AGK: variants seen among roughly 807,000 people sequenced by gnomAD.
The protein encoded by AGK is acylglycerol kinase, mitochondrial.
AGK carries 52 observed loss-of-function variants against 66.4 expected under a neutral mutation model. The ratio of observed to expected loss-of-function variants is 0.78; its 90% confidence interval spans 0.63 to 0.99. The LOEUF is 0.99. Ranked by LOEUF, AGK falls within the 50% of genes least tolerant of loss-of-function variation. The pLI is 0.00. For missense variants in AGK, 451 were observed against 506.6 expected (o/e 0.89, Z 1.05); for synonymous variants, 182 against 181.1 (o/e 1.00, Z -0.04).
intron 5 of AGK, among the ~76,000 whole-genome samples, chr7:141,609,867 C>T (rs1198633260): frequency 3.3e-5 from 5 of 152,074 alleles, no homozygotes; most frequent in Non-Finnish European, 5.9e-5. Flanking sequence ...ACATTTTTAT[C>T]GCTCAGGAAA....
At chr7:141,573,784 G>C (rs1795667365) in intron 2 of AGK, among the ~76,000 whole-genome samples, 5 of 152,098 alleles carry the variant, frequency 3.3e-5, no homozygotes, top group Non-Finnish European at 7.3e-5. Flanking sequence ...CTTTCTTCTG[G>C]AGTAGCTGTC....
At chr7:141,609,429 C>T (rs1796531653) in intron 5 of AGK, among the ~76,000 whole-genome samples, 1 of 152,168 alleles carries the variant, frequency 6.6e-6, no homozygotes, top group South Asian at 2.1e-4. Context: ...AAGCACTTTA[C>T]TTAGTTTACC....
At chr7:141,612,981 T>C (rs558930867) in intron 6 of AGK, among the ~76,000 whole-genome samples, 2 of 152,306 alleles carry the variant, frequency 1.3e-5, no homozygotes, top group East Asian at 3.9e-4. Flanking sequence ...AACAGCAGAG[T>C]ACTGTCCTAT....
intron 2 of AGK, among the ~76,000 whole-genome samples, chr7:141,586,334 C>T (rs1048167990): frequency 1.3e-5 from 2 of 152,214 alleles, no homozygotes; most frequent in Non-Finnish European, 2.9e-5. Context: ...ATTGGAGAAA[C>T]ATCCCCGCTC....
rs762829164 is a variant in AGK at position 141,568,574 on chromosome 7, C to CTT, written c.101+13021_101+13022dup. 2.3e-3 allele frequency among the ~76,000 whole-genome samples: 321 copies of CTT among 141,778 alleles called. 7 individuals are homozygous for CTT. Among genetic ancestry groups the CTT allele is most frequent in the African/African-American group, 8.1e-3 (311 of 38,450 alleles). The allele number at this position is 141,778 out of a possible 152,430, so 93.0% of individuals were successfully genotyped here. A position where few individuals can be genotyped will look rare whatever the true frequency, so the allele number is the denominator to read the frequency against. On this transcript the variant is annotated intron_variant, in intron 2 of 15. Coordinates refer to ENST00000649286, the MANE Select transcript of AGK (RefSeq NM_018238.4). ...CCAGGGCCATCCCATTTCTTTCTTTCTTTTTTTTTTTTTTTGAGACACAGT... is the reference window on the plus strand; with the variant it reads ...CCAGGGCCATCCCATTTCTTTCTTTCTTTTTTTTTTTTTTTTTGAGACACAGT...
At chr7:141,593,767 A>G (rs1172456924) in intron 3 of AGK, 3 of 167,532 alleles carry the variant, frequency 1.8e-5, no homozygotes, top group South Asian at 1.8e-4. Context: ...AATGTGCATT[A>G]TACCTTGCAG....
Position 141,652,980 on chromosome 7 carries a change from G to T in AGK, c.*56G>T. On this transcript the variant is annotated 3_prime_UTR_variant, in exon 16 of 16. Coordinates refer to ENST00000649286, the MANE Select transcript of AGK (RefSeq NM_018238.4). Reference sequence around the variant, plus strand: ...CTTTAGGCCACCGGTGGGACCAAAAGGGAACAGGTGCCTCAGCCATCCCAA... The same window carrying T: ...CTTTAGGCCACCGGTGGGACCAAAATGGAACAGGTGCCTCAGCCATCCCAA... The T allele has an allele frequency of 6.2e-7, 1 of 1,601,956 alleles. No homozygotes were observed. The highest frequency in any genetic ancestry group is 1.1e-5 in the South Asian group (1 of 90,324).
At chr7:141,552,026 C>T (rs1276974675) in intron 1 of AGK, among the ~76,000 whole-genome samples, 2 of 152,174 alleles carry the variant, frequency 1.3e-5, no homozygotes, top group African/African-American at 4.8e-5. Flanking sequence ...CAACCAGTCA[C>T]CCAAGCACAA....
At chr7:141,569,784 T>C (rs769667562) in intron 2 of AGK, among the ~76,000 whole-genome samples, 27 of 152,164 alleles carry the variant, frequency 1.8e-4, no homozygotes, top group Non-Finnish European at 3.7e-4. Flanking sequence ...CAAAGCCAGA[T>C]AGTCCTGATC....
Position 141,651,574 on chromosome 7 carries a change from C to T in AGK, c.1096C>T (p.Leu366Phe). 2 of 1,614,254 alleles carry T rather than the reference C, an allele frequency of 1.2e-6. No individual in the cohort carries two copies. Among genetic ancestry groups the T allele is most frequent in the African/African-American group, 2.7e-5 (2 of 75,064 alleles). Reference protein sequence around the residue: ...PKLHVEGTECLQASQCTLLIP... With the variant: ...PKLHVEGTECFQASQCTLLIP... ...GCTGCACGTGGAGGGCACGGAGTGT[C>T]TCCAAGCCAGCCAGTGCACTTTGCT... Residue 366 changes from leucine (L) to phenylalanine (F), a missense_variant, in exon 15 of 16, where the codon CTC (leucine) becomes TTC (phenylalanine). Physicochemically the swap from Leu to Phe is conservative, Grantham distance 22. Transcript: ENST00000649286.
chr7:141,580,507 G>A (rs907223752), intron 2 of AGK, among the ~76,000 whole-genome samples: 5 of 151,960 alleles, frequency 3.3e-5, no homozygotes, highest in Non-Finnish European at 5.9e-5. Context: ...AATGAAGTCC[G>A]GACCGGGAAC....
chr7:141,554,111 G>A (rs369271872), intron 1 of AGK, among the ~76,000 whole-genome samples: 1 of 152,040 alleles, frequency 6.6e-6, no homozygotes, highest in Non-Finnish European at 1.5e-5. Context: ...TGGCCAAGGC[G>A]GGAGGATTGC....
intron 10 of AGK, among the ~76,000 whole-genome samples, chr7:141,634,994 TTATGGGATTCTAC>T (rs533098847): frequency 0.011 from 1,660 of 152,278 alleles, 25 homozygotes; most frequent in African/African-American, 0.038. Context: ...TGTGCCATGA[TTATGGGATTCTAC>T]AAATTACCTT....
chr7:141,652,592 T>A, intron 15 of AGK, 195 bp from the exon 16 acceptor site: 1 of 455,880 alleles, frequency 2.2e-6, no homozygotes, highest in Non-Finnish European at 3.9e-6. Context: ...ATGGTAGAAT[T>A]AGGATGTTTC....
intron 9 of AGK, 102 bp downstream of exon 9, chr7:141,621,903 C>A: frequency 1.2e-6 from 1 of 813,122 alleles, no homozygotes; most frequent in Non-Finnish European, 2.0e-6. Context: ...ATAATGAAAA[C>A]AATAGTTGCT....
chr7:141,636,167 A>G (rs1797164079), intron 10 of AGK, among the ~76,000 whole-genome samples: 2 of 152,330 alleles, frequency 1.3e-5, no homozygotes, highest in African/African-American at 4.8e-5. Context: ...GCTATATAAC[A>G]TGAGTAATGT....
rs957705727 is a variant in AGK at position 141,574,578 on chromosome 7, G to A, written c.102-18568G>A. 3.9e-5 allele frequency among the ~76,000 whole-genome samples: 6 copies of A among 152,302 alleles called. No individual in the cohort carries two copies. The East Asian group carries it at 1.2e-3, about 29-fold the overall frequency. On this transcript the variant is annotated intron_variant, in intron 2 of 15. Coordinates refer to ENST00000649286, the MANE Select transcript of AGK (RefSeq NM_018238.4). Reference sequence around the variant, plus strand: ...CAATAGAATGAGGGGATAAACTGCAGAACTATCCTCTGGTTAATGAAAAAT... The same window carrying A: ...CAATAGAATGAGGGGATAAACTGCAAAACTATCCTCTGGTTAATGAAAAAT...
intron 4 of AGK, among the ~76,000 whole-genome samples, chr7:141,600,318 T>C (rs1796316628): frequency 6.6e-6 from 1 of 152,190 alleles, no homozygotes; most frequent in Non-Finnish European, 1.5e-5. Context: ...GTGGAAGAGA[T>C]TGTTTTGCAA....
chr7:141,604,566 A>G (rs2116941575), intron 5 of AGK, among the ~76,000 whole-genome samples: 1 of 150,678 alleles, frequency 6.6e-6, no homozygotes, highest in South Asian at 2.1e-4. Context: ...ACATTGATGT[A>G]CTATTATCTT....
Sources: allele counts gnomAD v4.1 joint callset (sites outside exome capture counted in the v4.1 genomes callset), GRCh38; gene constraint gnomAD v4.1.1; transcripts MANE v1.5; gene names NCBI Gene and HGNC (gene_info 2026-07-23, HGNC 2026-07-21).